Variants in EXOC4 observed in about 807,000 individuals in gnomAD.
EXOC4 encodes exocyst complex component 4.
A neutral mutation model predicts 107.2 loss-of-function variants in EXOC4; 71 were observed. The observed-to-expected ratio is 0.66, with a 90% CI of 0.55 to 0.81. The LOEUF is 0.81. Ranked by LOEUF, EXOC4 falls within the 30% of genes least tolerant of loss-of-function variation. The probability of loss-of-function intolerance (pLI) is 0.00; values close to 1 mark genes in which losing one functional copy is unlikely to be tolerated. For missense variants in EXOC4, 1,108 were observed against 1,189.6 expected, an observed-to-expected ratio of 0.93 and a Z score of 1.01; for synonymous variants, 456 against 441.2, an observed-to-expected ratio of 1.03 and a Z score of -0.42.
chr7:133,542,215 C>A (rs1237026301), intron 9 of EXOC4, among the ~76,000 whole-genome samples: 1 of 146,164 alleles, frequency 6.8e-6, no homozygotes, highest in African/African-American at 2.6e-5. Flanking sequence ...AGAATGAAGA[C>A]CCAAAGAAAT....
At chr7:133,474,097 G>A (rs2150846867) in intron 7 of EXOC4, among the ~76,000 whole-genome samples, 1 of 152,218 alleles carries the variant, frequency 6.6e-6, no homozygotes, top group Middle Eastern at 3.4e-3. Context: ...GATAGGTAAG[G>A]ACTTACTGCT....
At chr7:134,048,274 T>C (rs1346508184) in intron 17 of EXOC4, among the ~76,000 whole-genome samples, 1 of 152,236 alleles carries the variant, frequency 6.6e-6, no homozygotes, top group Non-Finnish European at 1.5e-5. Context: ...GCATGACTCC[T>C]AAGCCATAAT....
At chr7:133,934,367 A>C (rs1800249877) in intron 13 of EXOC4, among the ~76,000 whole-genome samples, 1 of 152,102 alleles carries the variant, frequency 6.6e-6, no homozygotes, top group South Asian at 2.1e-4. Flanking sequence ...TGCTCTTTTC[A>C]GGTTGTTAGG....
rs74950765 is a variant in EXOC4 at position 133,554,386 on chromosome 7, G to T, written c.1417+74248G>T. Among the ~76,000 whole-genome samples, 176 of 152,224 alleles carry T rather than the reference G, an allele frequency of 1.2e-3. No homozygotes were observed. In the East Asian group the frequency reaches 0.014, roughly 13 times the overall value. On this transcript the variant is annotated intron_variant, in intron 9 of 17. Coordinates refer to ENST00000253861, the MANE Select transcript of EXOC4 (RefSeq NM_021807.4). ...TCTTTACACTAAAAATAGAATTGTT[G>T]TTATACATTTTCTCAATTTAAAAAT...
At chr7:133,414,602 A>T (rs1292047579) in intron 7 of EXOC4, among the ~76,000 whole-genome samples, 3 of 152,178 alleles carry the variant, frequency 2.0e-5, no homozygotes, top group African/African-American at 7.2e-5. Context: ...CATACAGTAG[A>T]GCAGTTAAAA....
chr7:133,271,703 G>T (rs920336165), intron 1 of EXOC4, among the ~76,000 whole-genome samples: 1 of 152,162 alleles, frequency 6.6e-6, no homozygotes, highest in Admixed American at 6.5e-5. Flanking sequence ...GGGACTTGGG[G>T]GCAAGGGGAA....
chr7:133,757,714 A>G (rs1280252045), intron 10 of EXOC4, among the ~76,000 whole-genome samples: 2 of 152,188 alleles, frequency 1.3e-5, no homozygotes. Context: ...TTGTTCAGTG[A>G]CCCCATTGGC....
intron 10 of EXOC4, among the ~76,000 whole-genome samples, chr7:133,787,967 A>ATT (rs1796619354): frequency 6.0e-5 from 1 of 16,592 alleles, no homozygotes; most frequent in Non-Finnish European, 1.3e-4. Flanking sequence ...ATATATTTAT[A>ATT]TATATATATA....
intron 10 of EXOC4, among the ~76,000 whole-genome samples, chr7:133,801,490 A>G (rs1032841157): frequency 2.0e-5 from 3 of 152,170 alleles, no homozygotes; most frequent in African/African-American, 7.2e-5. Context: ...GGCCTTCATT[A>G]AGGCAAATGA....
chr7:133,476,603 T>A (rs1325135285), intron 8 of EXOC4, among the ~76,000 whole-genome samples: 4 of 152,244 alleles, frequency 2.6e-5, no homozygotes, highest in African/African-American at 9.6e-5. Context: ...TTTTGTGATC[T>A]AGCAGAGAGG....
At position 133,992,289 on chromosome 7, in the gene EXOC4, G is replaced by GA. The variant is rs1554431899; in HGVS notation, c.2207-5203_2207-5202insA. 2.6e-5 allele frequency among the ~76,000 whole-genome samples: 4 copies of GA among 152,204 alleles called. No homozygotes were observed. The East Asian group carries it at 7.7e-4, about 29-fold the overall frequency. ...ATGCTACTGGATTTTTGTTTTGTTT[G>GA]TTTGTTTTTTTGATACAGGGTCTGA... On this transcript the variant is annotated intron_variant, in intron 14 of 17. Transcript: ENST00000253861.
At chr7:133,969,320 A>G (rs749378062) in intron 14 of EXOC4, among the ~76,000 whole-genome samples, 5 of 152,140 alleles carry the variant, frequency 3.3e-5, no homozygotes, top group Non-Finnish European at 7.4e-5. Flanking sequence ...GTTATTACAC[A>G]CCTTCTGAAG....
At position 133,274,979 on chromosome 7, in the gene EXOC4, C is replaced by T. The variant is rs780277293; in HGVS notation, c.87-3C>T. 6.3e-7 allele frequency: 1 copy of T among 1,593,164 alleles called. No homozygotes were observed. Among genetic ancestry groups the T allele is most frequent in the East Asian group, 2.2e-5 (1 of 44,778 alleles). ...AGCTTGATATACTCTCTGCCTTCAC[C>T]AGGACTCTGTCTACTAGTGACGATG... On this transcript the variant is annotated splice_region_variant and splice_polypyrimidine_tract_variant and intron_variant, in intron 1 of 17. Coordinates refer to ENST00000253861, the MANE Select transcript of EXOC4 (RefSeq NM_021807.4).
At chr7:133,450,675 C>T (rs1194692302) in intron 7 of EXOC4, among the ~76,000 whole-genome samples, 1 of 152,190 alleles carries the variant, frequency 6.6e-6, no homozygotes, top group Non-Finnish European at 1.5e-5. Flanking sequence ...GCCAGCTCAA[C>T]TCCTTGTTAC....
intron 9 of EXOC4, among the ~76,000 whole-genome samples, chr7:133,621,674 A>T (rs1424022999): frequency 6.6e-6 from 1 of 152,240 alleles, no homozygotes; most frequent in Admixed American, 6.5e-5. Flanking sequence ...AGGGAGGACC[A>T]AAAGGATCTT....
At chr7:134,084,676 CA>C in the EXOC4 span, among the ~76,000 whole-genome samples, 1 of 83,958 alleles carries the variant, frequency 1.2e-5, no homozygotes, top group East Asian at 3.5e-4. Flanking sequence ...AAAGAGAGGA[CA>C]AAAACTTCTG....
intron 7 of EXOC4, among the ~76,000 whole-genome samples, chr7:133,430,729 G>A (rs1358274196): frequency 6.6e-6 from 1 of 152,006 alleles, no homozygotes; most frequent in Non-Finnish European, 1.5e-5. Context: ...ATTCCACCAC[G>A]CATATTGGGC....
chr7:133,574,942 T>G (rs74703975), intron 9 of EXOC4, among the ~76,000 whole-genome samples: 5,231 of 152,282 alleles, frequency 0.034, 289 homozygotes, highest in African/African-American at 0.12. Flanking sequence ...CAAATGAAAC[T>G]GTTTGTGAAA....
intron 14 of EXOC4, among the ~76,000 whole-genome samples, chr7:133,955,569 G>T (rs970628445): frequency 1.3e-5 from 2 of 152,222 alleles, no homozygotes; most frequent in Non-Finnish European, 2.9e-5. Context: ...TGGTCCATGG[G>T]ACTGGCAGCC....
Sources: gnomAD v4.1 joint callset for allele counts (sites outside exome capture counted in the v4.1 genomes callset) on GRCh38, gnomAD v4.1.1 for gene constraint, MANE v1.5 for transcripts, NCBI Gene and HGNC (gene_info 2026-07-23, HGNC 2026-07-21) for gene names.